The following MRPL15 variants were observed in gnomAD, a reference collection of about 807,000 sequenced individuals.
MRPL15 encodes the protein mitochondrial ribosomal protein L15.
MRPL15 carries 24 observed loss-of-function variants against 28.0 expected under a neutral mutation model. The observed-to-expected ratio is 0.86, with a 90% CI of 0.62 to 1.21. MRPL15 has a LOEUF of 1.21. Ranked by LOEUF, MRPL15 falls within the 50% of genes most tolerant of loss-of-function variation. MRPL15 has a pLI of 0.00. For missense variants in MRPL15, 343 were observed against 372.4 expected (o/e 0.92, Z 0.65); for synonymous variants, 124 against 137.0 (o/e 0.90, Z 0.66).
Position 54,148,191 on chromosome 8 carries a change from T to G in MRPL15, c.*472T>G, listed in dbSNP as rs967395775. 6.6e-6 allele frequency among the ~76,000 whole-genome samples: 1 copy of G among 152,030 alleles called. No homozygotes were observed. Among genetic ancestry groups the G allele is most frequent in the Non-Finnish European group, 1.5e-5 (1 of 68,012 alleles). ...GATGGTAAACCCTCAACTCGAAGAG[T>G]AAGATCAGGACGTATGCTTAAGGTG... On this transcript the variant is annotated 3_prime_UTR_variant, in exon 5 of 5. Coordinates refer to ENST00000260102, the MANE Select transcript of MRPL15 (RefSeq NM_014175.4).
intron 3 of MRPL15, among the ~76,000 whole-genome samples, chr8:54,139,343 G>C (rs1810881706): frequency 6.6e-6 from 1 of 152,176 alleles, no homozygotes; most frequent in Non-Finnish European, 1.5e-5. Flanking sequence ...CAATAATACA[G>C]TTGTATAAGT....
intron 3 of MRPL15, 63 bp downstream of exon 3, chr8:54,137,496 C>T: frequency 5.3e-6 from 8 of 1,500,404 alleles, no homozygotes; most frequent in Non-Finnish European, 6.4e-6. Context: ...CAGAGTCTTG[C>T]CCTGTTGCCT....
Position 54,147,440 on chromosome 8 carries a change from G to A in MRPL15, c.612G>A (p.Met204Ile), listed in dbSNP as rs369873163. ...GTGGACAACCCATTCCAAAAAGAAT[G>A]CTTCCACCAGAAGAACTGGTACCAT... The part of the protein sequence containing the change: ...FLRGQPIPKR[M>I]LPPEELVPYY... The change falls in exon 5 of 5, where the codon ATG becomes ATA. Residue 204 changes from methionine to isoleucine, a missense_variant. Transcript: ENST00000260102. The A allele has an allele frequency of 1.0e-4, 161 of 1,613,846 alleles. No individual in the cohort carries two copies. Among genetic ancestry groups the A allele is most frequent in the Non-Finnish European group, 1.3e-4 (155 of 1,179,930 alleles).
intron 4 of MRPL15, among the ~76,000 whole-genome samples, chr8:54,144,855 A>G (rs1811017188): frequency 1.3e-5 from 2 of 152,078 alleles, no homozygotes; most frequent in South Asian, 4.1e-4. Flanking sequence ...ATCTTTTCTT[A>G]TTTTGGTCCA....
intron 3 of MRPL15, among the ~76,000 whole-genome samples, chr8:54,139,610 A>G (rs1001419227): frequency 2.6e-5 from 4 of 152,226 alleles, no homozygotes; most frequent in African/African-American, 9.6e-5. Flanking sequence ...CTATTAGATT[A>G]ATAAAAATAA....
At position 54,148,190 on chromosome 8, in the gene MRPL15, G is replaced by A. The variant is rs1273198214; in HGVS notation, c.*471G>A. 6.6e-6 allele frequency among the ~76,000 whole-genome samples: 1 copy of A among 152,224 alleles called. No homozygotes were observed. The highest frequency in any genetic ancestry group is 1.5e-5 in the Non-Finnish European group (1 of 68,048). On this transcript the variant is annotated 3_prime_UTR_variant, in exon 5 of 5. Coordinates refer to ENST00000260102, the MANE Select transcript of MRPL15 (RefSeq NM_014175.4). Reference sequence around the variant, plus strand: ...AGATGGTAAACCCTCAACTCGAAGAGTAAGATCAGGACGTATGCTTAAGGT... The same window carrying A: ...AGATGGTAAACCCTCAACTCGAAGAATAAGATCAGGACGTATGCTTAAGGT...
chr8:54,140,927 GT>G (rs549991925), intron 3 of MRPL15, among the ~76,000 whole-genome samples: 57 of 145,150 alleles, frequency 3.9e-4, no homozygotes, highest in Middle Eastern at 3.6e-3. Context: ...AAAATTGGAG[GT>G]TTTTTTTTTT....
At chr8:54,137,472 AT>A (rs564315934) in intron 3 of MRPL15, 39 bp downstream of exon 3, 9,896 of 1,292,448 alleles carry the variant, frequency 7.7e-3, no homozygotes, top group South Asian at 0.018. Context: ...ATATAGGAGG[AT>A]TTTTTTTTTA....
chr8:54,147,292 G>GAGTT, intron 4 of MRPL15, 90 bp from the exon 5 acceptor site: 1 of 948,140 alleles, frequency 1.1e-6, no homozygotes, highest in South Asian at 1.7e-5. Flanking sequence ...CTATGGTACA[G>GAGTT]AGTTACATCT....
rs538073994 is a variant in MRPL15 at position 54,145,903 on chromosome 8, C to A, written c.554-1479C>A. ...CAGAGCATGACCTGGCTTTAGGTGG[C>A]TCTGCTTTATAATTCTTGGTCTCGA... On this transcript the variant is annotated intron_variant, in intron 4 of 4. Coordinates refer to ENST00000260102, the MANE Select transcript of MRPL15 (RefSeq NM_014175.4). 1.7e-4 allele frequency among the ~76,000 whole-genome samples: 26 copies of A among 152,290 alleles called. No individual in the cohort carries two copies. In the South Asian group the frequency reaches 5.4e-3, roughly 32 times the overall value.
intron 4 of MRPL15, 176 bp downstream of exon 4, chr8:54,142,962 C>A: frequency 6.4e-6 from 6 of 937,888 alleles, no homozygotes; most frequent in Non-Finnish European, 9.3e-6. Context: ...ACACATACAC[C>A]AAGGGCAAAA....
Position 54,147,400 on chromosome 8 carries a change from T to C in MRPL15, c.572T>C (p.Val191Ala). ...CTTTTAGACATTGTATGCAAACCTG[T>C]TCCATTCTTTCTTCGTGGACAACCC... ...PRSLDIVCKP[V>A]PFFLRGQPIP... The change falls in exon 5 of 5, where the codon GTT becomes GCT. Residue 191 changes from valine (V) to alanine (A), a missense_variant. Physicochemically the swap from Val to Ala is moderately conservative, Grantham distance 64. Coordinates refer to ENST00000260102, the MANE Select transcript of MRPL15 (RefSeq NM_014175.4). 6.2e-7 allele frequency: 1 copy of C among 1,612,012 alleles called. No homozygotes were observed. Among genetic ancestry groups the C allele is most frequent in the Non-Finnish European group, 8.5e-7 (1 of 1,178,760 alleles).
chr8:54,142,700 T>G lies in MRPL15; in HGVS notation c.467T>G (p.Val156Gly), dbSNP rs1810950653. 2 of 1,614,140 alleles carry G rather than the reference T, an allele frequency of 1.2e-6. No homozygotes were observed. Among genetic ancestry groups the G allele is most frequent in the Non-Finnish European group, 1.7e-6 (2 of 1,179,992 alleles). The change falls in exon 4 of 5, where the codon GTA (valine) becomes GGA (glycine). Residue 156 changes from valine to glycine, a missense_variant. Coordinates refer to ENST00000260102, the MANE Select transcript of MRPL15 (RefSeq NM_014175.4). Reference sequence around the variant, plus strand: ...TTTACGGCAAAAGTTAATATTGAAGTACAGTTGGCTTCAGAACTAGCTATT... The same window carrying G: ...TTTACGGCAAAAGTTAATATTGAAGGACAGTTGGCTTCAGAACTAGCTATT... ...DTFTAKVNIE[V>G]QLASELAIAA...
Position 54,136,679 on chromosome 8 carries a change from G to C in MRPL15, c.263+14G>C. The C allele has an allele frequency of 6.2e-7, 1 of 1,604,342 alleles. No homozygotes were observed. Among genetic ancestry groups the C allele is most frequent in the African/African-American group, 1.3e-5 (1 of 74,634 alleles). On this transcript the variant is annotated intron_variant, in intron 2 of 4. Coordinates refer to ENST00000260102, the MANE Select transcript of MRPL15 (RefSeq NM_014175.4). ...CGAAGGACATAGGTAAGGTTGCTTT[G>C]CTTTTTAAAGTACAGGTCCCCAATT... is the stretch of plus-strand genomic sequence containing the variant.
At chr8:54,137,486 CAG>C in intron 3 of MRPL15, 53 bp downstream of exon 3, 8 of 1,552,818 alleles carry the variant, frequency 5.2e-6, no homozygotes, top group Admixed American at 1.8e-5. Context: ...TTTTTTTAGA[CAG>C]AGTCTTGCCC....
chr8:54,140,574 C>CTTT (rs71551976), intron 3 of MRPL15, among the ~76,000 whole-genome samples: 3 of 99,574 alleles, frequency 3.0e-5, no homozygotes, highest in African/African-American at 7.2e-5. Flanking sequence ...ATTTTCTTTT[C>CTTT]TTTTTTTTTT....
At chr8:54,142,835 T>G (rs1739242261) in intron 4 of MRPL15, 49 bp downstream of exon 4, 1 of 1,606,426 alleles carries the variant, frequency 6.2e-7, no homozygotes, top group African/African-American at 1.3e-5. Flanking sequence ...TGTCTCATGT[T>G]GGCTACTAAT....
In MRPL15 at chr8:54,136,658, G is replaced by A. The variant is rs1406109390; in HGVS notation, c.256G>A (p.Gly86Arg). Residue 86 changes from glycine (G) to arginine (R), a missense_variant, in exon 2 of 5, where the codon GGA becomes AGA. Physicochemically the swap from Gly to Arg is moderately radical, Grantham distance 125 (BLOSUM62 -2). Transcript: ENST00000260102. ...AATCCCAAAATACGGGTTTAACGAA[G>A]GACATAGGTAAGGTTGCTTTGCTTT... is the stretch of plus-strand genomic sequence containing the variant. ...IRIPKYGFNE[G>R]HSFRRQYKPL... is the part of the protein sequence containing the mutation. 6.2e-7 allele frequency: 1 copy of A among 1,613,794 alleles called. No individual in the cohort carries two copies. The highest frequency in any genetic ancestry group is 8.5e-7 in the Non-Finnish European group (1 of 1,179,828).
chr8:54,147,088 C>T (rs576766425), intron 4 of MRPL15, among the ~76,000 whole-genome samples: 36 of 152,160 alleles, frequency 2.4e-4, no homozygotes, highest in Non-Finnish European at 3.4e-4. Context: ...CAAAATGATC[C>T]GGGCGTGGCG....
Sources: gnomAD v4.1 joint callset for allele counts (sites outside exome capture counted in the v4.1 genomes callset) on GRCh38, gnomAD v4.1.1 for gene constraint, MANE v1.5 for transcripts, NCBI Gene and HGNC (gene_info 2026-07-23, HGNC 2026-07-21) for gene names.